The following TNFRSF10C variants were observed in gnomAD, a reference collection of about 807,000 sequenced individuals.
TNFRSF10C encodes the protein TNF receptor superfamily member 10c.
TNFRSF10C carries 17 observed loss-of-function variants against 16.7 expected under a neutral mutation model. That is an observed-to-expected ratio of 1.02 (90% confidence interval 0.70 to 1.53). The LOEUF is 1.53. Ranked by LOEUF, TNFRSF10C falls within the 40% of genes most tolerant of loss-of-function variation. TNFRSF10C has a pLI of 0.00. For synonymous variants in TNFRSF10C, 73 were observed against 119.7 expected, an observed-to-expected ratio of 0.61 and a Z score of 2.55; for missense variants, 237 against 329.7, an observed-to-expected ratio of 0.72 and a Z score of 2.18.
intron 1 of TNFRSF10C, 181 bp downstream of exon 1, chr8:23,103,362 AC>A (rs1283401299): frequency 1.8e-6 from 2 of 1,086,118 alleles, no homozygotes; most frequent in Admixed American, 4.3e-5. Context: ...GGCAGGAGGG[AC>A]CCGGCCGCGA....
chr8:23,110,069 C>CAAAAAAAAAAAAAAAAAA lies in TNFRSF10C; in HGVS notation c.61-1642_61-1625dup, dbSNP rs56263402. Among the ~76,000 whole-genome samples the CAAAAAAAAAAAAAAAAAA allele has an allele frequency of 4.8e-4, 19 of 39,640 alleles. 4 individuals are homozygous for CAAAAAAAAAAAAAAAAAA. Among genetic ancestry groups the CAAAAAAAAAAAAAAAAAA allele is most frequent in the East Asian group, 4.7e-3 (5 of 1,070 alleles). The allele number at this position is 39,640 out of a possible 152,430, so 26.0% of individuals were successfully genotyped here. ...GGAGGACAGAGGGAGACCCTGTCTC[C>CAAAAAAAAAAAAAAAAAA]AAAAAAAAAAAAAAAAAAAAAAAAA... On this transcript the variant is annotated intron_variant, in intron 1 of 4. Coordinates refer to ENST00000356864, the MANE Select transcript of TNFRSF10C (RefSeq NM_003841.5).
chr8:23,111,481 C>G (rs1332403429), intron 1 of TNFRSF10C, among the ~76,000 whole-genome samples: 1 of 150,860 alleles, frequency 6.6e-6, no homozygotes, highest in Non-Finnish European at 1.5e-5. Context: ...TTCCACATTG[C>G]TGGGATTACA....
chr8:23,115,616 G>C lies in TNFRSF10C; in HGVS notation c.389G>C (p.Arg130Thr), dbSNP rs1052780302. Reference sequence around the variant, plus strand: ...CCAGAGATGTGCCGGAAGTGTAGCAGGTGAGACAGCAGTCAGGGGCTCCTG... The same window carrying C: ...CCAGAGATGTGCCGGAAGTGTAGCACGTGAGACAGCAGTCAGGGGCTCCTG... ...NSPEMCRKCS[R>T]CPSGEVQVSN... Residue 130 changes from arginine (R) to threonine (T), a missense_variant and splice_region_variant, in exon 4 of 5, where the codon AGG becomes ACG. Coordinates refer to ENST00000356864, the MANE Select transcript of TNFRSF10C (RefSeq NM_003841.5). 7.4e-6 allele frequency: 12 copies of C among 1,612,532 alleles called. No homozygotes were observed. Among genetic ancestry groups the C allele is most frequent in the Non-Finnish European group, 1.0e-5 (12 of 1,179,280 alleles).
chr8:23,113,304 T>C (rs1341878558), intron 2 of TNFRSF10C, among the ~76,000 whole-genome samples: 1 of 152,246 alleles, frequency 6.6e-6, no homozygotes. Flanking sequence ...TAGTGTAATG[T>C]AACCTCATTT....
At chr8:23,116,618 C>T (rs745676763) in intron 4 of TNFRSF10C, 23 bp from the exon 5 acceptor site, 5 of 1,604,620 alleles carry the variant, frequency 3.1e-6, no homozygotes, top group Middle Eastern at 1.7e-4. Context: ...GGAGTCCTCA[C>T]CTCCCTCTCT....
chr8:23,113,729 G>A (rs1813924617), intron 2 of TNFRSF10C, among the ~76,000 whole-genome samples: 2 of 152,136 alleles, frequency 1.3e-5, no homozygotes, highest in African/African-American at 2.4e-5. Flanking sequence ...CAGGTAGTAC[G>A]ATGCCTCCAT....
intron 1 of TNFRSF10C, among the ~76,000 whole-genome samples, chr8:23,109,669 G>C (rs983850541): frequency 6.6e-6 from 1 of 151,688 alleles, no homozygotes; most frequent in Non-Finnish European, 1.5e-5. Context: ...GAAAATTATG[G>C]CCTGAGGAGC....
In TNFRSF10C at chr8:23,103,096, C is replaced by T; in HGVS notation, c.-26C>T. On this transcript the variant is annotated 5_prime_UTR_variant, in exon 1 of 5. Transcript: ENST00000356864. ...GGCCGAGGCAGGGTGCGACCCAGGA[C>T]CCAGGACGGCGTCGGGAACCATACC... 1 of 1,606,432 alleles carries T rather than the reference C, an allele frequency of 6.2e-7. No individual in the cohort carries two copies. Among genetic ancestry groups the T allele is most frequent in the Non-Finnish European group, 8.5e-7 (1 of 1,176,922 alleles).
At chr8:23,112,439 G>A (rs1455237634) in intron 2 of TNFRSF10C, among the ~76,000 whole-genome samples, 1 of 152,174 alleles carries the variant, frequency 6.6e-6, no homozygotes, top group Non-Finnish European at 1.5e-5. Flanking sequence ...CTGTCTAACT[G>A]AAATTTTGTA....
At chr8:23,111,595 G>A in intron 1 of TNFRSF10C, 125 bp from the exon 2 acceptor site, 2 of 750,630 alleles carry the variant, frequency 2.7e-6, no homozygotes, top group South Asian at 1.6e-5. Context: ...ATGAAAGTTT[G>A]GAGCTGGAAA....
At chr8:23,107,200 CAAACAGAA>C (rs1206228999) in intron 1 of TNFRSF10C, among the ~76,000 whole-genome samples, 3 of 152,080 alleles carry the variant, frequency 2.0e-5, no homozygotes, top group African/African-American at 4.8e-5. Context: ...AAAAACCAAA[CAAACAGAA>C]AAACAGAAAA....
At chr8:23,107,929 G>A (rs775439914) in intron 1 of TNFRSF10C, among the ~76,000 whole-genome samples, 1 of 152,198 alleles carries the variant, frequency 6.6e-6, no homozygotes. Flanking sequence ...AGAGTGTAAG[G>A]CCAAGAAAAC....
intron 1 of TNFRSF10C, 89 bp from the exon 2 acceptor site, chr8:23,111,631 G>T: frequency 9.9e-7 from 1 of 1,011,104 alleles, no homozygotes; most frequent in Non-Finnish European, 1.5e-6. Flanking sequence ...GATGGGTTTT[G>T]TCACTTGGGG....
At chr8:23,116,515 A>T in intron 4 of TNFRSF10C, 126 bp from the exon 5 acceptor site, 1 of 1,343,684 alleles carries the variant, frequency 7.4e-7, no homozygotes, top group Non-Finnish European at 1.0e-6. Flanking sequence ...GACCCCCTCC[A>T]GACAGGAGCC....
At chr8:23,105,755 G>A (rs922241152) in intron 1 of TNFRSF10C, among the ~76,000 whole-genome samples, 2 of 152,186 alleles carry the variant, frequency 1.3e-5, no homozygotes, top group Admixed American at 1.3e-4. Context: ...TGGGGACAGT[G>A]GGGACAGTGC....
At chr8:23,106,253 G>A (rs1813773435) in intron 1 of TNFRSF10C, among the ~76,000 whole-genome samples, 1 of 152,138 alleles carries the variant, frequency 6.6e-6, no homozygotes, top group African/African-American at 2.4e-5. Context: ...AAGGAGGCCT[G>A]AGATCTCACT....
Position 23,114,771 on chromosome 8 carries a change from G to A in TNFRSF10C, c.280+1G>A, listed in dbSNP as rs1412325768. On this transcript the variant is annotated splice_donor_variant, in intron 3 of 4. Transcript: ENST00000356864. LOFTEE classifies it high-confidence loss of function. ...TTCCCATGTACAGTTTGTAAATCAG[G>A]TACAGAATGTGTGGACCTCTTGTCC... The A allele has an allele frequency of 6.2e-7, 1 of 1,612,716 alleles. No individual in the cohort carries two copies. The highest frequency in any genetic ancestry group is 8.5e-7 in the Non-Finnish European group (1 of 1,178,862).
intron 1 of TNFRSF10C, among the ~76,000 whole-genome samples, chr8:23,109,423 G>T: frequency 6.6e-6 from 1 of 151,990 alleles, no homozygotes. Context: ...GGATCACGAG[G>T]TCAGAAAATC....
Position 23,117,092 on chromosome 8 carries a change from A to G in TNFRSF10C, c.*61A>G. The G allele has an allele frequency of 6.3e-7, 1 of 1,580,156 alleles. No homozygotes were observed. Among genetic ancestry groups the G allele is most frequent in the South Asian group, 1.2e-5 (1 of 84,862 alleles). The stretch of plus-strand genomic sequence containing the variant: ...GAAAGGTTCAGGTAGGCGCTGGCTG[A>G]GGGCGGGGGGCGCTGGACACTCTCT... On this transcript the variant is annotated 3_prime_UTR_variant, in exon 5 of 5. Coordinates refer to ENST00000356864, the MANE Select transcript of TNFRSF10C (RefSeq NM_003841.5).
Sources: allele counts gnomAD v4.1 joint callset (sites outside exome capture counted in the v4.1 genomes callset), GRCh38; gene constraint gnomAD v4.1.1; transcripts MANE v1.5; gene names NCBI Gene and HGNC (gene_info 2026-07-23, HGNC 2026-07-21).